The following NCAM2 variants were observed in gnomAD, a reference collection of about 807,000 sequenced individuals.
The protein encoded by NCAM2 is neural cell adhesion molecule 2, also known as N-CAM-2.
In NCAM2, 30 loss-of-function variants were observed where a neutral mutation model predicts 98.1. The ratio of observed to expected loss-of-function variants is 0.31; its 90% CI spans 0.23 to 0.41. The LOEUF is 0.41. Ranked by LOEUF, NCAM2 falls within the 10% of genes least tolerant of loss-of-function variation. NCAM2 has a pLI of 1.00. For missense variants in NCAM2, 867 were observed against 1,005.8 expected (o/e 0.86, Z 1.87); for synonymous variants, 368 against 342.4 (o/e 1.07, Z -0.83).
intron 1 of NCAM2, among the ~76,000 whole-genome samples, chr21:21,243,337 A>G (rs1432084461): frequency 6.6e-6 from 1 of 152,192 alleles, no homozygotes; most frequent in African/African-American, 2.4e-5. Flanking sequence ...AAAAAGTCAT[A>G]AAATACTATT....
intron 13 of NCAM2, among the ~76,000 whole-genome samples, chr21:21,467,428 T>TATATATATATATATATATATA (rs1555902035): frequency 2.8e-5 from 4 of 140,732 alleles, no homozygotes; most frequent in African/African-American, 8.3e-5. Context: ...ATATATCTTT[T>TATATATATATATATATATATA]TATATATATA....
At chr21:21,082,915 A>G (rs1464027219) in intron 1 of NCAM2, among the ~76,000 whole-genome samples, 1 of 152,178 alleles carries the variant, frequency 6.6e-6, no homozygotes, top group Non-Finnish European at 1.5e-5. Flanking sequence ...TTGAGGTCAA[A>G]TATCCAAACA....
chr21:21,085,494 C>T (rs1369337485), intron 1 of NCAM2, among the ~76,000 whole-genome samples: 1 of 152,090 alleles, frequency 6.6e-6, no homozygotes, highest in Non-Finnish European at 1.5e-5. Flanking sequence ...TTTTGCTTGA[C>T]TTCTCACTTG....
At chr21:21,234,039 A>G (rs1403350687) in intron 1 of NCAM2, among the ~76,000 whole-genome samples, 1 of 151,846 alleles carries the variant, frequency 6.6e-6, no homozygotes, top group East Asian at 1.9e-4. Flanking sequence ...CAAGTGCTCA[A>G]TTGTCATATA....
At chr21:21,199,528 A>G (rs1017572565) in intron 1 of NCAM2, among the ~76,000 whole-genome samples, 6 of 152,184 alleles carry the variant, frequency 3.9e-5, no homozygotes, top group Non-Finnish European at 8.8e-5. Flanking sequence ...GTCTTCCTCC[A>G]ATTCTGATGA....
At chr21:21,030,347 C>T (rs1046511900) in intron 1 of NCAM2, among the ~76,000 whole-genome samples, 1 of 152,174 alleles carries the variant, frequency 6.6e-6, no homozygotes, top group Non-Finnish European at 1.5e-5. Flanking sequence ...TAATTTTCTA[C>T]TGCTGTTGTC....
chr21:21,526,086 C>T lies in NCAM2; in HGVS notation c.2283-8451C>T, dbSNP rs538092005. On this transcript the variant is annotated intron_variant, in intron 16 of 17. Coordinates refer to ENST00000400546, the MANE Select transcript of NCAM2 (RefSeq NM_004540.5). ...CTAGAAGCTGTCCCCACTATATCCT[C>T]TCTCACTAATTCTTTTCAACAGTGT... 3.3e-5 allele frequency among the ~76,000 whole-genome samples: 5 copies of T among 152,134 alleles called. No individual in the cohort carries two copies. The East Asian group carries it at 5.8e-4, about 18-fold the overall frequency.
intron 8 of NCAM2, among the ~76,000 whole-genome samples, chr21:21,363,391 T>G (rs2075697855): frequency 6.6e-6 from 1 of 152,120 alleles, no homozygotes; most frequent in Non-Finnish European, 1.5e-5. Context: ...AAATACCCAC[T>G]CATACAATTT....
intron 7 of NCAM2, 131 bp downstream of exon 7, chr21:21,335,796 T>A: frequency 1.2e-6 from 1 of 848,216 alleles, no homozygotes; most frequent in Non-Finnish European, 1.6e-6. Flanking sequence ...AATATGTTTT[T>A]TAAATTTCAG....
intron 1 of NCAM2, among the ~76,000 whole-genome samples, chr21:21,143,409 G>T (rs779228117): frequency 9.9e-5 from 15 of 151,996 alleles, no homozygotes; most frequent in Non-Finnish European, 1.8e-4. Context: ...GTTTACTTGT[G>T]GTGTCCTTTG....
intron 8 of NCAM2, among the ~76,000 whole-genome samples, chr21:21,339,989 A>G (rs898729844): frequency 6.6e-6 from 1 of 151,894 alleles, no homozygotes; most frequent in African/African-American, 2.4e-5. Flanking sequence ...CAACCCAGAT[A>G]AAAGTTATAG....
chr21:21,473,903 C>CAAAA (rs5842929), intron 14 of NCAM2, among the ~76,000 whole-genome samples: 9 of 136,300 alleles, frequency 6.6e-5, no homozygotes, highest in African/African-American at 1.9e-4. Flanking sequence ...ATTTTCTGAC[C>CAAAA]AAAAAAAAAA....
At chr21:21,134,142 C>G (rs2066993033) in intron 1 of NCAM2, among the ~76,000 whole-genome samples, 1 of 151,016 alleles carries the variant, frequency 6.6e-6, no homozygotes, top group African/African-American at 2.4e-5. Context: ...AATCTTGGCT[C>G]ACTGCAACCT....
intron 5 of NCAM2, among the ~76,000 whole-genome samples, chr21:21,304,535 C>T (rs1345976065): frequency 5.3e-5 from 8 of 152,026 alleles, no homozygotes; most frequent in Admixed American, 6.6e-5. Context: ...ATAAGTCCTC[C>T]AACTTTGTTC....
chr21:21,048,109 C>T lies in NCAM2; in HGVS notation c.55+49491C>T, dbSNP rs183589985. On this transcript the variant is annotated intron_variant, in intron 1 of 17. Transcript: ENST00000400546. ...TCCAGGAGATAAATCAACTAAGAGCCAGGCACCCTTTTAAGTCCAATAAGA... is the reference window on the plus strand; with the variant it reads ...TCCAGGAGATAAATCAACTAAGAGCTAGGCACCCTTTTAAGTCCAATAAGA... Among the ~76,000 whole-genome samples the T allele has an allele frequency of 3.3e-5, 5 of 152,260 alleles. No individual in the cohort carries two copies. In the East Asian group the frequency reaches 9.7e-4, roughly 29 times the overall value.
intron 16 of NCAM2, among the ~76,000 whole-genome samples, chr21:21,518,505 T>G (rs970832738): frequency 6.6e-6 from 1 of 152,042 alleles, no homozygotes; most frequent in African/African-American, 2.4e-5. Flanking sequence ...TCCTAATAAT[T>G]TTCTGTACTT....
intron 8 of NCAM2, among the ~76,000 whole-genome samples, chr21:21,366,662 G>C (rs1170559180): frequency 6.6e-6 from 1 of 151,990 alleles, no homozygotes; most frequent in South Asian, 2.1e-4. Flanking sequence ...AGCCTGCAGG[G>C]AAAATCCCAT....
intron 1 of NCAM2, among the ~76,000 whole-genome samples, chr21:21,066,680 A>G (rs2065445514): frequency 6.6e-6 from 1 of 152,108 alleles, no homozygotes. Context: ...TTCGTCTTTT[A>G]CTTTAAAATC....
intron 8 of NCAM2, among the ~76,000 whole-genome samples, chr21:21,356,877 C>T: frequency 6.6e-6 from 1 of 152,082 alleles, no homozygotes; most frequent in East Asian, 1.9e-4. Flanking sequence ...GTAATCCCAG[C>T]TACTCCGAAG....
Sources: gnomAD v4.1 joint callset for allele counts (sites outside exome capture counted in the v4.1 genomes callset) on GRCh38, gnomAD v4.1.1 for gene constraint, MANE v1.5 for transcripts, NCBI Gene and HGNC (gene_info 2026-07-23, HGNC 2026-07-21) for gene names.